The following ERG variants were observed in gnomAD, a reference collection of about 807,000 sequenced individuals.
The protein encoded by ERG is ETS transcription factor ERG, also known as transcriptional regulator ERG.
A neutral mutation model predicts 55.3 loss-of-function variants in ERG; 9 were observed. The ratio of observed to expected loss-of-function variants is 0.16; its 90% CI spans 0.10 to 0.28. The LOEUF is 0.28. ERG is among the 10% of genes least tolerant of loss of function. The probability of loss-of-function intolerance (pLI) is 1.00; values close to 1 mark genes in which losing one functional copy is unlikely to be tolerated. For synonymous variants in ERG, 223 were observed against 237.3 expected (o/e 0.94, Z 0.55); for missense variants, 434 against 631.6 (o/e 0.69, Z 3.35).
At chr21:38,466,156 A>G (rs754941495) in intron 1 of ERG, among the ~76,000 whole-genome samples, 4 of 152,190 alleles carry the variant, frequency 2.6e-5, no homozygotes, top group African/African-American at 4.8e-5. Context: ...ATAATACATA[A>G]TAGGCTGCAA....
downstream of ERG, among the ~76,000 whole-genome samples, chr21:38,377,854 GACCA>G (rs1410808030): frequency 2.6e-5 from 4 of 152,170 alleles, no homozygotes; most frequent in African/African-American, 9.7e-5. Flanking sequence ...AGCAGGCTGT[GACCA>G]ACCACCCTCA....
Position 38,460,254 on chromosome 21 carries a change from G to C in ERG, c.19-14633C>G, listed in dbSNP as rs2059029254. 1.3e-5 allele frequency among the ~76,000 whole-genome samples: 2 copies of C among 152,232 alleles called. No individual in the cohort carries two copies. The highest frequency in any genetic ancestry group is 6.5e-5 in the Admixed American group (1 of 15,296). ...AAGAAAGAACCAGGAGGTGAACCAG[G>C]AAAGGCTGGGGGTGGTAGAGCCTTG... is the stretch of plus-strand genomic sequence containing the variant. On this transcript the variant is annotated intron_variant, in intron 1 of 9. Coordinates refer to ENST00000288319, the MANE Select transcript of ERG (RefSeq NM_182918.4). The surrounding 1 kb of genome is among the most constrained non-coding windows in gnomAD (Gnocchi z 5.0).
At chr21:38,426,089 A>G (rs1372053477) in intron 2 of ERG, among the ~76,000 whole-genome samples, 3 of 152,224 alleles carry the variant, frequency 2.0e-5, no homozygotes, top group Admixed American at 6.5e-5. Context: ...AGGCCCTAAC[A>G]TGGGCCTGGA....
intron 1 of ERG, among the ~76,000 whole-genome samples, chr21:38,652,061 C>T (rs531025458): frequency 1.3e-5 from 2 of 152,228 alleles, no homozygotes; most frequent in Non-Finnish European, 2.9e-5. Context: ...TGTAAGACTG[C>T]TTTCTTCCCT....
intron 1 of ERG, among the ~76,000 whole-genome samples, chr21:38,458,540 T>C (rs1268198759): frequency 6.6e-6 from 1 of 152,198 alleles, no homozygotes; most frequent in Non-Finnish European, 1.5e-5. Flanking sequence ...CAATTCAGTA[T>C]TTCTGCAATC....
intron 2 of ERG, among the ~76,000 whole-genome samples, chr21:38,530,566 C>T (rs569976606): frequency 1.3e-5 from 2 of 152,304 alleles, no homozygotes; most frequent in Admixed American, 1.3e-4. Context: ...TGGCAGAATT[C>T]TGCACAGGAG....
At position 38,453,882 on chromosome 21, in the gene ERG, CA is replaced by C. The variant is rs3065380; in HGVS notation, c.19-8262del. On this transcript the variant is annotated intron_variant, in intron 1 of 9. Coordinates refer to ENST00000288319, the MANE Select transcript of ERG (RefSeq NM_182918.4). ...CTGGGCAACAAGAGAAAAACTCCATCAAAAAAAAAAAAAAAAGAAGAAGAAG... is the reference window on the plus strand; with the variant it reads ...CTGGGCAACAAGAGAAAAACTCCATCAAAAAAAAAAAAAAAGAAGAAGAAG... 4.1e-3 allele frequency among the ~76,000 whole-genome samples: 533 copies of C among 129,820 alleles called. 7 individuals are homozygous for C. Among genetic ancestry groups the C allele is most frequent in the African/African-American group, 0.012 (429 of 34,834 alleles). 85.2% of individuals were successfully genotyped at this position (129,820 alleles called of 152,430 possible). A position where few individuals can be genotyped will look rare whatever the true frequency, so the allele number is the denominator to read the frequency against.
At chr21:38,509,426 A>G (rs1157728199) in intron 2 of ERG, among the ~76,000 whole-genome samples, 1 of 152,244 alleles carries the variant, frequency 6.6e-6, no homozygotes, top group Non-Finnish European at 1.5e-5. Flanking sequence ...AGAGAAAAAT[A>G]TGCCAAAATT....
intron 2 of ERG, among the ~76,000 whole-genome samples, chr21:38,430,954 T>A (rs1990176518): frequency 7.5e-6 from 1 of 133,884 alleles, no homozygotes; most frequent in South Asian, 2.4e-4. Context: ...CAAACATTCA[T>A]GATGGAAATA....
intron 1 of ERG, among the ~76,000 whole-genome samples, chr21:38,489,110 G>A (rs2059313332): frequency 6.6e-6 from 1 of 152,152 alleles, no homozygotes; most frequent in South Asian, 2.1e-4. Flanking sequence ...GGAAGTGAAC[G>A]CAGGAAGTAT....
At chr21:38,456,213 T>C (rs528540176) in intron 1 of ERG, among the ~76,000 whole-genome samples, 1 of 152,296 alleles carries the variant, frequency 6.6e-6, no homozygotes, top group Non-Finnish European at 1.5e-5. Context: ...TGCTAAAAAG[T>C]TCCTATGCAT....
intron 1 of ERG, among the ~76,000 whole-genome samples, chr21:38,624,219 C>T (rs1474714617): frequency 1.3e-5 from 2 of 152,012 alleles, no homozygotes; most frequent in African/African-American, 4.8e-5. Flanking sequence ...ACACCAAGCA[C>T]CTGGCTGCAT....
chr21:38,621,690 G>A (rs1230536090), intron 1 of ERG, among the ~76,000 whole-genome samples: 1 of 152,094 alleles, frequency 6.6e-6, no homozygotes, highest in African/African-American at 2.4e-5. Context: ...ATCTCTTCTG[G>A]CAGATCCCCC....
intron 5 of ERG, among the ~76,000 whole-genome samples, chr21:38,402,282 G>T (rs988846935): frequency 6.6e-6 from 1 of 152,174 alleles, no homozygotes; most frequent in Admixed American, 6.5e-5. Context: ...CGGCAAATGT[G>T]AGCTAAGTTA....
At chr21:38,486,986 G>A (rs1343742461) in intron 1 of ERG, among the ~76,000 whole-genome samples, 1 of 152,156 alleles carries the variant, frequency 6.6e-6, no homozygotes, top group African/African-American at 2.4e-5. Flanking sequence ...ATGAGGAAAC[G>A]AGGCACAGGG....
intron 7 of ERG, among the ~76,000 whole-genome samples, chr21:38,391,981 C>A (rs2146430143): frequency 6.6e-6 from 1 of 151,644 alleles, no homozygotes; most frequent in Non-Finnish European, 1.5e-5. Context: ...TTTGGAATGG[C>A]TTACCAAACA....
intron 1 of ERG, among the ~76,000 whole-genome samples, chr21:38,653,325 C>G (rs461488): frequency 0.72 from 108,979 of 152,118 alleles, 39,236 homozygotes; most frequent in Non-Finnish European, 0.76. Context: ...TCTAGCCTCC[C>G]TTCCTTTGCA....
intron 3 of ERG, among the ~76,000 whole-genome samples, chr21:38,420,159 T>G (rs530402592): frequency 6.6e-6 from 1 of 152,270 alleles, no homozygotes; most frequent in East Asian, 1.9e-4. Flanking sequence ...CATGGGGTAC[T>G]CCGTGCCCCA....
chr21:38,408,238 A>G (rs1988864791), intron 3 of ERG, among the ~76,000 whole-genome samples: 1 of 152,230 alleles, frequency 6.6e-6, no homozygotes, highest in African/African-American at 2.4e-5. Flanking sequence ...AATAGAGGAC[A>G]GTTTGCAGGG....
Sources: gnomAD v4.1 joint callset for allele counts (sites outside exome capture counted in the v4.1 genomes callset) on GRCh38, gnomAD v4.1.1 for gene constraint, Gnocchi (gnomAD v3.1) non-coding constraint, MANE v1.5 for transcripts, NCBI Gene and HGNC (gene_info 2026-07-23, HGNC 2026-07-21) for gene names.